TBX3: variants seen among roughly 807,000 people sequenced by gnomAD.
The protein encoded by TBX3 is T-box transcription factor 3.
In TBX3, 11 loss-of-function variants were observed where a neutral mutation model predicts 47.8. That is an observed-to-expected ratio of 0.23 (90% CI 0.14 to 0.38). TBX3 has a LOEUF of 0.38. Ranked by LOEUF, TBX3 falls within the 10% of genes least tolerant of loss-of-function variation. The pLI, the probability that TBX3 is intolerant of heterozygous loss-of-function variation, is 1.00. For synonymous variants in TBX3, 500 were observed against 449.3 expected (o/e 1.11, Z -1.43); for missense variants, 927 against 1,022.8 (o/e 0.91, Z 1.28).
intron 1 of TBX3, among the ~76,000 whole-genome samples, chr12:114,681,695 C>T (rs1278482345): frequency 2.0e-5 from 3 of 152,204 alleles, no homozygotes; most frequent in Non-Finnish European, 4.4e-5. Flanking sequence ...GTTCCCAGAA[C>T]GAATTTTGCA....
rs1868422163 is a variant in TBX3 at position 114,671,548 on chromosome 12, C to A, written c.*293G>T. ...CCTGGTGGGCAGAGACCCAGACCAG[C>A]CTTGCTGGAAGTTGCTCTGGACATA... is the stretch of plus-strand genomic sequence containing the variant. On this transcript the variant is annotated 3_prime_UTR_variant, in exon 7 of 7. Coordinates refer to ENST00000349155, the MANE Select transcript of TBX3 (RefSeq NM_005996.4). The A allele has an allele frequency of 1.9e-6, 1 of 521,494 alleles. No individual in the cohort carries two copies. The highest frequency in any genetic ancestry group is 1.9e-5 in the African/African-American group (1 of 52,964). 32.3% of individuals were successfully genotyped at this position (521,494 alleles called of 1,614,324 possible).
At chr12:114,680,085 A>G in intron 2 of TBX3, 1 of 1,065,166 alleles carries the variant, frequency 9.4e-7, no homozygotes, top group Non-Finnish European at 1.4e-6. Flanking sequence ...TGAACTCTAG[A>G]GAGGAATATT....
intron 4 of TBX3, among the ~76,000 whole-genome samples, chr12:114,676,900 A>ATGGG (rs1194659495): frequency 6.6e-6 from 1 of 152,216 alleles, no homozygotes; most frequent in Non-Finnish European, 1.5e-5. Context: ...CAAATTTTGG[A>ATGGG]TGGTGGCTAA....
At chr12:114,680,763 C>G in intron 2 of TBX3, 116 bp downstream of exon 2, 1 of 1,446,080 alleles carries the variant, frequency 6.9e-7, no homozygotes, top group African/African-American at 1.4e-5. Flanking sequence ...GACAAGTTTG[C>G]TATGCTTAGG....
Position 114,674,165 on chromosome 12 carries a change from C to G in TBX3, c.1710G>C (p.Gln570His), listed in dbSNP as rs1262807912. ...TGGAGGCAGGAAGAAGGATCCATAC[C>G]TGAGAGGCCAGGACGTGCTGCTGGA... The part of the protein sequence containing the change: ...FHLQQHVLAS[Q>H]GLAMSPFGSL... Residue 570 changes from glutamine to histidine, a missense_variant and splice_region_variant, in exon 6 of 7, where the codon CAG becomes CAC. By Grantham distance (24) the Gln-to-His change is conservative (BLOSUM62 0). Transcript: ENST00000349155. 2 of 1,581,722 alleles carry G rather than the reference C, an allele frequency of 1.3e-6. No individual in the cohort carries two copies. The highest frequency in any genetic ancestry group is 1.7e-6 in the Non-Finnish European group (2 of 1,165,920).
chr12:114,674,432 G>C lies in TBX3; in HGVS notation c.1443C>G (p.Leu481=), dbSNP rs1171297655. ...GGCCCGCCAGGCCCGGGGCGAAGCC[G>C]AGGCCAGGCAGGGGGCCCTGGGCCA... is the stretch of plus-strand genomic sequence containing the variant. ...AHLAQGPLPG[L]GFAPGLAGQQ... Residue 481 remains leucine (L), a synonymous_variant, in exon 6 of 7, where the codon CTC becomes CTG. Transcript: ENST00000349155. The C allele has an allele frequency of 6.5e-7, 1 of 1,548,848 alleles. No homozygotes were observed. The highest frequency in any genetic ancestry group is 8.7e-7 in the Non-Finnish European group (1 of 1,146,468).
Position 114,670,724 on chromosome 12 carries a change from G to A in TBX3, c.*1117C>T. The A allele has an allele frequency of 4.7e-6, 1 of 210,970 alleles. No homozygotes were observed. The highest frequency in any genetic ancestry group is 5.9e-5 in the Admixed American group (1 of 16,974). The allele number at this position is 210,970 out of a possible 1,614,324, so 13.1% of individuals were successfully genotyped here. A position where few individuals can be genotyped will look rare whatever the true frequency, so the allele number is the denominator to read the frequency against. On this transcript the variant is annotated 3_prime_UTR_variant, in exon 7 of 7. Coordinates refer to ENST00000349155, the MANE Select transcript of TBX3 (RefSeq NM_005996.4). ...AGACAACTCTTTTGAAAGGGTATTG[G>A]TGTTGGTGCAGGAAGTGTGTTTTCT...
At position 114,674,683 on chromosome 12, in the gene TBX3, C is replaced by T. The variant is rs943648458; in HGVS notation, c.1192G>A (p.Ala398Thr). ...GSPAVKAHLF[A>T]AERPRDSGRL... The stretch of plus-strand genomic sequence containing the variant: ...CCGCTGTCCCGGGGCCGCTCAGCAG[C>T]GAAAAGGTGAGCCTTGACCGCGGGG... Residue 398 changes from alanine to threonine, a missense_variant, in exon 6 of 7, where the codon GCT becomes ACT. By Grantham distance (58) the Ala-to-Thr change is moderately conservative. This residue lies in a region of TBX3 where 623 missense variants were observed against 569.0 expected (regional missense o/e 1.09). Coordinates refer to ENST00000349155, the MANE Select transcript of TBX3 (RefSeq NM_005996.4). 3.7e-6 allele frequency: 6 copies of T among 1,607,436 alleles called. No homozygotes were observed. Among genetic ancestry groups the T allele is most frequent in the Non-Finnish European group, 5.1e-6 (6 of 1,179,184 alleles).
intron 6 of TBX3, 133 bp from the exon 7 acceptor site, chr12:114,672,435 T>A: frequency 4.9e-6 from 2 of 411,798 alleles, no homozygotes; most frequent in Non-Finnish European, 6.9e-6. Flanking sequence ...GTTGTTGTTG[T>A]GTTTTTTTTT....
intron 3 of TBX3, among the ~76,000 whole-genome samples, chr12:114,678,965 C>G (rs1403654974): frequency 6.6e-6 from 1 of 152,014 alleles, no homozygotes; most frequent in African/African-American, 2.4e-5. Context: ...TTTTTCCAAC[C>G]ACACGCATGC....
chr12:114,683,270 GTT>G lies in TBX3; in HGVS notation c.-72_-71del, dbSNP rs1345535109. The G allele has an allele frequency of 2.5e-6, 4 of 1,582,514 alleles. No individual in the cohort carries two copies. The highest frequency in any genetic ancestry group is 3.4e-6 in the Non-Finnish European group (4 of 1,161,708). ...AGCTGCTGTGTTTTGTTGTTTTTTTGTTGTTGTTTAACAGCAGCACATAATTC... is the reference window on the plus strand; with the variant it reads ...AGCTGCTGTGTTTTGTTGTTTTTTTGGTTGTTTAACAGCAGCACATAATTC... On this transcript the variant is annotated 5_prime_UTR_variant, in exon 1 of 7. Coordinates refer to ENST00000349155, the MANE Select transcript of TBX3 (RefSeq NM_005996.4). This position sits in a 1 kb window ranked among gnomAD's most constrained non-coding sequence, Gnocchi z 7.7.
chr12:114,680,559 A>T (rs750584702), intron 2 of TBX3: 8 of 454,176 alleles, frequency 1.8e-5, no homozygotes, highest in Non-Finnish European at 2.8e-5. Context: ...CAAATCCTTT[A>T]GGAATACATA....
At chr12:114,682,235 C>T (rs1868962754) in intron 1 of TBX3, among the ~76,000 whole-genome samples, 1 of 152,130 alleles carries the variant, frequency 6.6e-6, no homozygotes, top group South Asian at 2.1e-4. Context: ...CTGCTGAACT[C>T]GCCCTTGGGT....
At position 114,674,205 on chromosome 12, in the gene TBX3, G is replaced by C; in HGVS notation, c.1670C>G (p.Thr557Ser). The C allele has an allele frequency of 6.3e-7, 1 of 1,582,210 alleles. No individual in the cohort carries two copies. Among genetic ancestry groups the C allele is most frequent in the Non-Finnish European group, 8.6e-7 (1 of 1,165,846 alleles). The change falls in exon 6 of 7, where the codon ACC (threonine) becomes AGC (serine). Residue 557 changes from threonine to serine, a missense_variant. Thr to Ser is a moderately conservative substitution (Grantham distance 58). Transcript: ENST00000349155. Reference sequence around the variant, plus strand: ...GTGCTGCTGGAGGTGGAAGGGCAGGGTGGCCGCGGACGCCCCGGACAGTCC... The same window carrying C: ...GTGCTGCTGGAGGTGGAAGGGCAGGCTGGCCGCGGACGCCCCGGACAGTCC... ...AQGLSGASAA[T>S]LPFHLQQHVL...
At position 114,671,599 on chromosome 12, in the gene TBX3, G is replaced by T; in HGVS notation, c.*242C>A. 1 of 596,448 alleles carries T rather than the reference G, an allele frequency of 1.7e-6. No individual in the cohort carries two copies. The highest frequency in any genetic ancestry group is 2.0e-5 in the South Asian group (1 of 49,944). 36.9% of individuals were successfully genotyped at this position (596,448 alleles called of 1,614,324 possible). On this transcript the variant is annotated 3_prime_UTR_variant, in exon 7 of 7. Transcript: ENST00000349155. ...AATGTTGGAACTCCTACCCCCAGTA[G>T]CTCAATGCAACCGACGTTTCTGAGC... is the stretch of plus-strand genomic sequence containing the variant.
At chr12:114,677,787 AG>A (rs762095058) in intron 3 of TBX3, 131 bp from the exon 4 acceptor site, 294 of 818,154 alleles carry the variant, frequency 3.6e-4, no homozygotes, top group Admixed American at 8.5e-5. Flanking sequence ...TGCCAGGGAA[AG>A]GAGATAATAA....
At chr12:114,681,574 C>A (rs957763767) in intron 1 of TBX3, among the ~76,000 whole-genome samples, 7 of 152,128 alleles carry the variant, frequency 4.6e-5, no homozygotes, top group Non-Finnish European at 1.0e-4. Context: ...TTTCCACCAC[C>A]CATTGATGAG....
rs2121153675 is a variant in TBX3 at position 114,681,064 on chromosome 12, C to T, written c.472G>A (p.Ala158Thr). Residue 158 changes from alanine to threonine, a missense_variant, in exon 2 of 7, where the codon GCT becomes ACT. Ala to Thr is a moderately conservative substitution (Grantham distance 58, BLOSUM62 0). This residue lies in a region of TBX3 where 216 missense variants were observed against 281.2 expected (regional missense o/e 0.77). Coordinates refer to ENST00000349155, the MANE Select transcript of TBX3 (RefSeq NM_005996.4). ...KYILLMDIIAADDCRYKFHNS... is the reference protein window; with the variant it reads ...KYILLMDIIATDDCRYKFHNS... ...TGAAATTTATAACGACAGTCATCAG[C>T]AGCTATAATGTCCATCAATAAAATG... 6.2e-7 allele frequency: 1 copy of T among 1,613,924 alleles called. No individual in the cohort carries two copies. The highest frequency in any genetic ancestry group is 1.6e-4 in the Middle Eastern group (1 of 6,062).
chr12:114,680,086 G>T, intron 2 of TBX3: 1 of 1,057,648 alleles, frequency 9.5e-7, no homozygotes, highest in Non-Finnish European at 1.4e-6. Context: ...GAACTCTAGA[G>T]AGGAATATTT....
Sources: gnomAD v4.1 joint callset for allele counts (sites outside exome capture counted in the v4.1 genomes callset) on GRCh38, gnomAD v4.1.1 for gene constraint, gnomAD v4.1.1 regional missense constraint, Gnocchi (gnomAD v3.1) non-coding constraint, MANE v1.5 for transcripts, NCBI Gene and HGNC (gene_info 2026-07-23, HGNC 2026-07-21) for gene names.